Variants in LEF1 observed in about 807,000 individuals in gnomAD.
LEF1 encodes the protein lymphoid enhancer binding factor 1, also known as lymphoid enhancer-binding factor 1.
LEF1 carries 14 observed loss-of-function variants against 51.2 expected under a neutral mutation model. That is an observed-to-expected ratio of 0.27 (90% confidence interval 0.18 to 0.43). The LOEUF (loss-of-function observed/expected upper bound fraction) is 0.43. Ranked by LOEUF, LEF1 falls within the 20% of genes least tolerant of loss-of-function variation. The pLI is 1.00. For missense variants in LEF1, 386 were observed against 512.0 expected, an observed-to-expected ratio of 0.75 and a Z score of 2.37; for synonymous variants, 185 against 183.2, an observed-to-expected ratio of 1.01 and a Z score of -0.08.
intron 3 of LEF1, among the ~76,000 whole-genome samples, chr4:108,111,293 A>C (rs7664869): frequency 0.012 from 1,849 of 152,172 alleles, 40 homozygotes; most frequent in African/African-American, 0.041. Flanking sequence ...TGCACAAGAG[A>C]TGCATTATTA....
intron 1 of LEF1, chr4:108,166,357 C>T: frequency 6.6e-7 from 1 of 1,504,158 alleles, no homozygotes; most frequent in East Asian, 2.5e-5. Context: ...CTCAAAACCA[C>T]ACACTTTCTT....
At chr4:108,064,193 A>G (rs1047493326) in intron 10 of LEF1, 143 bp downstream of exon 10, 2 of 546,630 alleles carry the variant, frequency 3.7e-6, no homozygotes, top group African/African-American at 3.9e-5. Flanking sequence ...TAAATTTTTA[A>G]AAGAATTTCA....
At chr4:108,090,346 A>G (rs892996906) in intron 3 of LEF1, among the ~76,000 whole-genome samples, 3 of 152,172 alleles carry the variant, frequency 2.0e-5, no homozygotes, top group African/African-American at 7.2e-5. Context: ...TATGTCTTAT[A>G]CTTGTTTACA....
chr4:108,081,440 T>A lies in LEF1; in HGVS notation c.722+146A>T. ...ACCCGGGACTCTCTCTGACACCTAG[T>A]GTGGGAGCCAGGCACACTGCACAGA... On this transcript the variant is annotated intron_variant, in intron 6 of 11. Coordinates refer to ENST00000265165, the MANE Select transcript of LEF1 (RefSeq NM_016269.5). 4.7e-6 allele frequency: 3 copies of A among 642,322 alleles called. No individual in the cohort carries two copies. The South Asian group carries it at 5.5e-5, about 12-fold the overall frequency. The allele number at this position is 642,322 out of a possible 1,614,324, so 39.8% of individuals were successfully genotyped here.
At chr4:108,062,148 A>C (rs1361411200) in intron 11 of LEF1, among the ~76,000 whole-genome samples, 1 of 152,194 alleles carries the variant, frequency 6.6e-6, no homozygotes, top group African/African-American at 2.4e-5. Context: ...GCTGAAGTAG[A>C]TTGCTCAGGG....
At chr4:108,139,644 G>GA (rs1353841901) in intron 3 of LEF1, among the ~76,000 whole-genome samples, 2 of 152,346 alleles carry the variant, frequency 1.3e-5, no homozygotes, top group African/African-American at 4.8e-5. Flanking sequence ...GAAGCAAAGG[G>GA]AAGGACAAGA....
At position 108,089,161 on chromosome 4, in the gene LEF1, G is replaced by C. The variant is rs773360376; in HGVS notation, c.511C>G (p.Pro171Ala). The C allele has an allele frequency of 6.2e-7, 1 of 1,614,082 alleles. No homozygotes were observed. The highest frequency in any genetic ancestry group is 8.5e-7 in the Non-Finnish European group (1 of 1,179,990). ...SDEHFSPGSH[P>A]SHIPSDVNSK... Reference sequence around the variant, plus strand: ...TTGACATCTGATGGGATGTGTGACGGGTGTGATCCTGGAGAAAAGTGCTCG... The same window carrying C: ...TTGACATCTGATGGGATGTGTGACGCGTGTGATCCTGGAGAAAAGTGCTCG... The change falls in exon 4 of 12, where the codon CCG (proline) becomes GCG (alanine). Residue 171 changes from proline (P) to alanine (A), a missense_variant. Transcript: ENST00000265165.
chr4:108,148,027 T>C (rs1216338282), intron 3 of LEF1, among the ~76,000 whole-genome samples: 1 of 152,152 alleles, frequency 6.6e-6, no homozygotes, highest in Non-Finnish European at 1.5e-5. Context: ...TGTGGTTAAA[T>C]AGTACAAAAA....
intron 11 of LEF1, among the ~76,000 whole-genome samples, chr4:108,058,220 C>T (rs1436834575): frequency 2.6e-5 from 4 of 152,008 alleles, no homozygotes; most frequent in African/African-American, 9.7e-5. Flanking sequence ...TAAACTAACT[C>T]TCATGTCATA....
chr4:108,097,470 T>A (rs572677419), intron 3 of LEF1, among the ~76,000 whole-genome samples: 1 of 152,292 alleles, frequency 6.6e-6, no homozygotes, highest in African/African-American at 2.4e-5. Context: ...GGATGGTTAA[T>A]GAGTGCAAAA....
intron 3 of LEF1, among the ~76,000 whole-genome samples, chr4:108,099,554 G>A (rs75267012): frequency 0.13 from 4,894 of 36,876 alleles, 572 homozygotes; most frequent in African/African-American, 0.27. Context: ...GTGTGTGTGT[G>A]TATGTGTGTG....
chr4:108,063,700 A>G, intron 10 of LEF1, 37 bp from the exon 11 acceptor site: 2 of 1,494,648 alleles, frequency 1.3e-6, no homozygotes, highest in Non-Finnish European at 9.2e-7. Context: ...TTTTTATTGA[A>G]GAGGTTTTTG....
At chr4:108,159,303 A>G (rs1316790555) in intron 3 of LEF1, among the ~76,000 whole-genome samples, 1 of 152,222 alleles carries the variant, frequency 6.6e-6, no homozygotes, top group Non-Finnish European at 1.5e-5. Flanking sequence ...CATTCTCCTG[A>G]CATCTATATA....
rs144444488 is a variant in LEF1 at position 108,104,654 on chromosome 4, C to A, written c.415-15397G>T. ...TATATGTTTAGGCAGACAGGTGACA[C>A]CCAAACTATCGTATGAAGGACATAC... is the stretch of plus-strand genomic sequence containing the variant. On this transcript the variant is annotated intron_variant, in intron 3 of 11. Transcript: ENST00000265165. 4 of 983,420 alleles carry A rather than the reference C, an allele frequency of 4.1e-6. No homozygotes were observed. The East Asian group carries it at 3.4e-4, about 84-fold the overall frequency. 60.9% of individuals were successfully genotyped at this position (983,420 alleles called of 1,614,324 possible).
intron 5 of LEF1, among the ~76,000 whole-genome samples, chr4:108,081,886 T>C (rs1739330913): frequency 1.3e-5 from 2 of 152,168 alleles, no homozygotes; most frequent in Admixed American, 1.3e-4. Flanking sequence ...CACCCTCAAC[T>C]TTGAAACAAA....
At chr4:108,114,725 A>AAGGGTTT (rs1477928550) in intron 3 of LEF1, among the ~76,000 whole-genome samples, 1 of 152,230 alleles carries the variant, frequency 6.6e-6, no homozygotes, top group Non-Finnish European at 1.5e-5. Context: ...TGCCTTCTGG[A>AAGGGTTT]AAAGGGTTTA....
intron 4 of LEF1, among the ~76,000 whole-genome samples, chr4:108,087,780 A>C (rs1451363389): frequency 6.6e-6 from 1 of 152,204 alleles, no homozygotes; most frequent in Non-Finnish European, 1.5e-5. Flanking sequence ...CACAGGTTTC[A>C]GTGGCCTACC....
intron 3 of LEF1, among the ~76,000 whole-genome samples, chr4:108,120,494 A>G (rs1043175131): frequency 6.6e-6 from 1 of 152,244 alleles, no homozygotes; most frequent in Non-Finnish European, 1.5e-5. Flanking sequence ...ATAGCTTTTT[A>G]AGATAATTAT....
rs758135287 is a variant in LEF1 at position 108,078,401 on chromosome 4, G to A, written c.846-19C>T. On this transcript the variant is annotated intron_variant, in intron 7 of 11. Coordinates refer to ENST00000265165, the MANE Select transcript of LEF1 (RefSeq NM_016269.5). Reference sequence around the variant, plus strand: ...AGGCTTCCTAAAAGGTGGTGGTGGTGGTGGTTAGGGGAAGGGGTTGAAGGA... The same window carrying A: ...AGGCTTCCTAAAAGGTGGTGGTGGTAGTGGTTAGGGGAAGGGGTTGAAGGA... 1.2e-6 allele frequency: 2 copies of A among 1,613,978 alleles called. No homozygotes were observed. Among genetic ancestry groups the A allele is most frequent in the African/African-American group, 2.7e-5 (2 of 74,888 alleles).
Sources: allele counts gnomAD v4.1 joint callset (sites outside exome capture counted in the v4.1 genomes callset), GRCh38; gene constraint gnomAD v4.1.1; transcripts MANE v1.5; gene names NCBI Gene and HGNC (gene_info 2026-07-23, HGNC 2026-07-21).